The following BANK1 variants were observed in gnomAD, a reference collection of about 807,000 sequenced individuals.
The protein encoded by BANK1 is B-cell scaffold protein with ankyrin repeats.
BANK1 carries 95 observed loss-of-function variants against 94.5 expected under a neutral mutation model. That is an observed-to-expected ratio of 1.00 (90% CI 0.85 to 1.19). The LOEUF is 1.19. Ranked by LOEUF, BANK1 falls within the 50% of genes most tolerant of loss-of-function variation. The pLI is 0.00. For missense variants in BANK1, 987 were observed against 932.2 expected (o/e 1.06, Z -0.77); for synonymous variants, 334 against 308.4 (o/e 1.08, Z -0.87).
At chr4:101,804,098 A>G (rs563770489) in intron 1 of BANK1, among the ~76,000 whole-genome samples, 1 of 151,252 alleles carries the variant, frequency 6.6e-6, no homozygotes, top group Admixed American at 6.6e-5. Flanking sequence ...AGTCTGTTTT[A>G]TTATTTACTA....
chr4:102,031,805 C>G (rs1048835377), intron 10 of BANK1, among the ~76,000 whole-genome samples: 7 of 152,060 alleles, frequency 4.6e-5, no homozygotes, highest in Non-Finnish European at 1.0e-4. Context: ...TCAAAAGAAA[C>G]CATTCTGTTC....
At chr4:102,055,820 T>C (rs1043357778) in intron 11 of BANK1, among the ~76,000 whole-genome samples, 21 of 152,140 alleles carry the variant, frequency 1.4e-4, no homozygotes, top group Admixed American at 1.3e-3. Flanking sequence ...TAATAACTTA[T>C]ACATGTAAGG....
chr4:102,053,806 A>T (rs1728132930), intron 11 of BANK1, among the ~76,000 whole-genome samples: 1 of 151,910 alleles, frequency 6.6e-6, no homozygotes. Context: ...AGTAGCAATA[A>T]TCTGGTTACA....
At chr4:101,799,601 C>G (rs10440386) in intron 1 of BANK1, among the ~76,000 whole-genome samples, 4 of 152,152 alleles carry the variant, frequency 2.6e-5, no homozygotes, top group African/African-American at 9.7e-5. Context: ...GTGGCCGGGC[C>G]TGGTGGCTCA....
intron 7 of BANK1, among the ~76,000 whole-genome samples, chr4:102,002,836 G>A (rs1434784976): frequency 6.6e-6 from 1 of 152,150 alleles, no homozygotes; most frequent in Non-Finnish European, 1.5e-5. Context: ...GTGCAGTGGT[G>A]CAGTCTTGGC....
rs199554960 is a variant in BANK1, at chr4:101,903,071, GC to G, written c.1009+7662del. 3.9e-3 allele frequency among the ~76,000 whole-genome samples: 591 copies of G among 152,312 alleles called. 8 individuals carry two copies. The highest frequency in any genetic ancestry group is 0.014 in the African/African-American group (565 of 41,574). ...TACCTTAATTACAGTTACAAGCTCT[GC>G]TTTTTGAGCTGAAGTATAGGGCGTC... On this transcript the variant is annotated intron_variant, in intron 6 of 16. Transcript: ENST00000322953.
chr4:101,901,176 T>C (rs1213445056), intron 6 of BANK1, among the ~76,000 whole-genome samples: 1 of 152,218 alleles, frequency 6.6e-6, no homozygotes, highest in African/African-American at 2.4e-5. Context: ...AATGTAGATA[T>C]ATTGGTTTCT....
intron 3 of BANK1, among the ~76,000 whole-genome samples, chr4:101,856,927 A>G (rs1727700280): frequency 6.6e-6 from 1 of 152,196 alleles, no homozygotes; most frequent in South Asian, 2.1e-4. Flanking sequence ...TGGACCAAAA[A>G]TAGTTATCCC....
At chr4:102,010,219 C>G (rs1251617192) in intron 7 of BANK1, among the ~76,000 whole-genome samples, 9 of 151,576 alleles carry the variant, frequency 5.9e-5, no homozygotes, top group Non-Finnish European at 4.4e-5. Context: ...GAGCAGAGAT[C>G]CAGCCACTGC....
Position 101,917,940 on chromosome 4 carries a change from G to A in BANK1, c.1010-53G>A, listed in dbSNP as rs1474726214. The A allele has an allele frequency of 6.7e-6, 9 of 1,348,242 alleles. No homozygotes were observed. In the African/African-American group the frequency reaches 1.0e-4, roughly 15 times the overall value. The allele number at this position is 1,348,242 out of a possible 1,614,324, so 83.5% of individuals were successfully genotyped here. On this transcript the variant is annotated intron_variant, in intron 6 of 16. Transcript: ENST00000322953. ...AGCAGATTGTGTTAGACCTTTTAAT[G>A]AGATTGCCAATAAAATGAAAACATT...
At chr4:101,895,998 G>A (rs1349562499) in intron 6 of BANK1, among the ~76,000 whole-genome samples, 2 of 151,780 alleles carry the variant, frequency 1.3e-5, no homozygotes, top group African/African-American at 4.8e-5. Context: ...GTAAATTGAT[G>A]TTCACAGTAG....
chr4:102,008,628 GTT>G (rs1024578780), intron 7 of BANK1, among the ~76,000 whole-genome samples: 3 of 152,106 alleles, frequency 2.0e-5, no homozygotes, highest in Non-Finnish European at 4.4e-5. Context: ...GCACATTTTA[GTT>G]CTGTCCTACC....
At chr4:101,834,360 A>G (rs1237076813) in intron 2 of BANK1, among the ~76,000 whole-genome samples, 1 of 152,206 alleles carries the variant, frequency 6.6e-6, no homozygotes, top group African/African-American at 2.4e-5. Context: ...AAATATAACC[A>G]TCTTATTTGG....
chr4:102,023,015 A>G (rs1726967219), intron 8 of BANK1, among the ~76,000 whole-genome samples: 1 of 152,144 alleles, frequency 6.6e-6, no homozygotes, highest in Non-Finnish European at 1.5e-5. Flanking sequence ...GCACTTATCA[A>G]CATTTAATAT....
At chr4:102,056,473 G>A (rs949993881) in intron 11 of BANK1, among the ~76,000 whole-genome samples, 1 of 152,062 alleles carries the variant, frequency 6.6e-6, no homozygotes, top group Non-Finnish European at 1.5e-5. Context: ...AATATTTAAT[G>A]TTATGGAAAG....
At chr4:102,038,896 G>C (rs1449087238) in intron 10 of BANK1, among the ~76,000 whole-genome samples, 1 of 152,064 alleles carries the variant, frequency 6.6e-6, no homozygotes, top group Non-Finnish European at 1.5e-5. Flanking sequence ...CCAAGTTTTT[G>C]TTACAACTTG....
At chr4:101,970,416 CTG>C (rs1431646593) in intron 7 of BANK1, among the ~76,000 whole-genome samples, 1 of 152,094 alleles carries the variant, frequency 6.6e-6, no homozygotes, top group African/African-American at 2.4e-5. Context: ...GTTAAAGTAA[CTG>C]TGAAAAAGTT....
chr4:101,821,566 G>A (rs773143582), intron 1 of BANK1, among the ~76,000 whole-genome samples: 47 of 152,082 alleles, frequency 3.1e-4, no homozygotes, highest in Non-Finnish European at 5.0e-4. Context: ...TGTCTTCCAG[G>A]GTTTTTGTAG....
intron 7 of BANK1, among the ~76,000 whole-genome samples, chr4:101,973,640 C>CT (rs1328214026): frequency 6.6e-6 from 1 of 151,996 alleles, no homozygotes; most frequent in African/African-American, 2.4e-5. Context: ...TTTTGCATTA[C>CT]TTTCATAAGT....
Sources: allele counts gnomAD v4.1 joint callset (sites outside exome capture counted in the v4.1 genomes callset), GRCh38; gene constraint gnomAD v4.1.1; transcripts MANE v1.5; gene names NCBI Gene and HGNC (gene_info 2026-07-23, HGNC 2026-07-21).